The following PRKACA variants were observed in gnomAD, a reference collection of about 807,000 sequenced individuals.
The protein encoded by PRKACA is protein kinase cAMP-activated catalytic subunit alpha.
In PRKACA, 9 loss-of-function variants were observed where a neutral mutation model predicts 45.8. That is an observed-to-expected ratio of 0.20 (90% CI 0.12 to 0.34). The LOEUF (loss-of-function observed/expected upper bound fraction) is 0.34. Among genes scored for constraint, PRKACA ranks in the 10% least tolerant of loss-of-function variants. PRKACA has a pLI of 1.00. For missense variants in PRKACA, 238 were observed against 458.6 expected (o/e 0.52, Z 4.39); for synonymous variants, 160 against 178.6 (o/e 0.90, Z 0.83).
chr19:14,107,866 G>A, intron 1 of PRKACA: 1 of 992,234 alleles, frequency 1.0e-6, no homozygotes, highest in Non-Finnish European at 1.2e-6. Flanking sequence ...TGTCACCTTG[G>A]CCCCCAGCTG....
At chr19:14,112,426 G>A (rs1186119538) in intron 1 of PRKACA, 1 of 150,874 alleles carries the variant, frequency 6.6e-6, no homozygotes, top group Non-Finnish European at 1.5e-5. Context: ...GCCACAGCTG[G>A]AAGGTGGTCT....
rs138152470 is a variant in PRKACA at position 14,104,513 on chromosome 19, G to A, written c.238-1599C>T. 7.3e-3 allele frequency among the ~76,000 whole-genome samples: 1,096 copies of A among 151,160 alleles called. 17 individuals are homozygous for A. The highest frequency in any genetic ancestry group is 0.026 in the African/African-American group (1,055 of 41,220). On this transcript the variant is annotated intron_variant, in intron 3 of 9. Transcript: ENST00000308677. ...AGATGGAGACCATCCTGGCTAACACGGTGAAACCCCATCTCTACTAAAAAT... is the reference window on the plus strand; with the variant it reads ...AGATGGAGACCATCCTGGCTAACACAGTGAAACCCCATCTCTACTAAAAAT...
chr19:14,110,616 A>C (rs1026854180), intron 1 of PRKACA, among the ~76,000 whole-genome samples: 1 of 152,082 alleles, frequency 6.6e-6, no homozygotes, highest in Non-Finnish European at 1.5e-5. Flanking sequence ...CAAATATAGG[A>C]GATACACTGA....
chr19:14,109,981 TATATATATATATATATATACAC>T (rs1456916956), intron 1 of PRKACA, among the ~76,000 whole-genome samples: 29 of 82,780 alleles, frequency 3.5e-4, no homozygotes, highest in African/African-American at 1.7e-3. Context: ...TATATATATA[TATATATATATATATATATACAC>T]ACACACACAC....
rs200700358 is a variant in PRKACA at position 14,106,907 on chromosome 19, G to C, written c.109-19C>G. 6.2e-7 allele frequency: 1 copy of C among 1,613,878 alleles called. No individual in the cohort carries two copies. Among genetic ancestry groups the C allele is most frequent in the South Asian group, 1.1e-5 (1 of 91,070 alleles). On this transcript the variant is annotated intron_variant, in intron 2 of 9. Coordinates refer to ENST00000308677, the MANE Select transcript of PRKACA (RefSeq NM_002730.4). Reference sequence around the variant, plus strand: ...CTGTGTTCTGTGGGCAGAGGGGTCGGTAGGCTCAGGGCACGCCCTCCCCGC... The same window carrying C: ...CTGTGTTCTGTGGGCAGAGGGGTCGCTAGGCTCAGGGCACGCCCTCCCCGC...
chr19:14,108,575 T>G (rs1352093227), intron 1 of PRKACA, among the ~76,000 whole-genome samples: 2 of 149,912 alleles, frequency 1.3e-5, no homozygotes, highest in African/African-American at 4.9e-5. Flanking sequence ...GCCCAGAGAA[T>G]TTTTTGTATT....
chr19:14,117,335 T>C (rs1967129724), intron 1 of PRKACA, among the ~76,000 whole-genome samples, 167 bp downstream of exon 1: 2 of 145,412 alleles, frequency 1.4e-5, no homozygotes, highest in African/African-American at 2.6e-5. Context: ...CTACAGGGGG[T>C]ACTCTGCGGG....
At chr19:14,100,790 C>G (rs1395815442) in intron 5 of PRKACA, 36 bp downstream of exon 5, 1 of 1,605,246 alleles carries the variant, frequency 6.2e-7, no homozygotes, top group Admixed American at 1.7e-5. Context: ...TGTGGACACC[C>G]TGACAGCCTG....
intron 1 of PRKACA, among the ~76,000 whole-genome samples, chr19:14,114,803 T>A (rs1224690904): frequency 6.6e-6 from 1 of 151,494 alleles, no homozygotes; most frequent in African/African-American, 2.4e-5. Flanking sequence ...ACTCCAGGGT[T>A]CATTCTGGAT....
At chr19:14,106,113 G>A (rs1977596157) in intron 3 of PRKACA, among the ~76,000 whole-genome samples, 2 of 152,092 alleles carry the variant, frequency 1.3e-5, no homozygotes, top group African/African-American at 4.8e-5. Context: ...TGCTTTGGGA[G>A]GCTGAAGTAG....
chr19:14,105,789 G>A (rs1977585430), intron 3 of PRKACA, among the ~76,000 whole-genome samples: 1 of 152,170 alleles, frequency 6.6e-6, no homozygotes, highest in African/African-American at 2.4e-5. Context: ...AATTGCTTCT[G>A]TGGCTCAGGT....
At chr19:14,108,323 G>T in intron 1 of PRKACA, 1 of 182,300 alleles carries the variant, frequency 5.5e-6, no homozygotes, top group Non-Finnish European at 1.0e-5. Context: ...TCTTGACAAA[G>T]GGAGTTGAAC....
At chr19:14,095,400 A>C (rs1162441280) in intron 8 of PRKACA, among the ~76,000 whole-genome samples, 2 of 150,864 alleles carry the variant, frequency 1.3e-5, no homozygotes, top group East Asian at 3.9e-4. Context: ...TAAACTCCTG[A>C]CCTCGTGATC....
chr19:14,098,587 C>G (rs561866510), intron 5 of PRKACA: 1 of 151,830 alleles, frequency 6.6e-6, no homozygotes, highest in African/African-American at 2.4e-5. Flanking sequence ...CCTTTGCCTC[C>G]TGGAAACAAG....
chr19:14,094,500 A>G (rs1370542120), intron 8 of PRKACA, among the ~76,000 whole-genome samples: 9 of 152,180 alleles, frequency 5.9e-5, no homozygotes, highest in Admixed American at 5.9e-4. Context: ...AAGAATCTGC[A>G]TTTCTAACAA....
Position 14,099,362 on chromosome 19 carries a change from A to T in PRKACA, c.419+1464T>A, listed in dbSNP as rs562640041. Among the ~76,000 whole-genome samples, 446 of 150,902 alleles carry T rather than the reference A, an allele frequency of 3.0e-3. 1 individual carries two copies. Among genetic ancestry groups the T allele is most frequent in the African/African-American group, 8.1e-3 (335 of 41,122 alleles). On this transcript the variant is annotated intron_variant, in intron 5 of 9. Coordinates refer to ENST00000308677, the MANE Select transcript of PRKACA (RefSeq NM_002730.4). ...AATAAGACAAATTTATAAGTTAAAA[A>T]TTTTTTTTTTCTTTCAGCAGGGTCT...
At chr19:14,111,969 G>A (rs1054207530) in intron 1 of PRKACA, among the ~76,000 whole-genome samples, 6 of 152,162 alleles carry the variant, frequency 3.9e-5, no homozygotes, top group East Asian at 1.9e-4. Context: ...GCACCTCCCC[G>A]ACTCGCTGAG....
intron 1 of PRKACA, among the ~76,000 whole-genome samples, chr19:14,116,567 T>C (rs975385313): frequency 1.3e-5 from 2 of 152,050 alleles, no homozygotes; most frequent in Non-Finnish European, 2.9e-5. Flanking sequence ...ACTGGGTGAA[T>C]GACGGAGCCT....
intron 1 of PRKACA, among the ~76,000 whole-genome samples, chr19:14,116,789 C>A (rs8100819): frequency 0.1 from 15,381 of 152,006 alleles, 979 homozygotes; most frequent in Admixed American, 0.17. Flanking sequence ...CAGCCAGGGA[C>A]AGACGCTTGC....
Sources: allele counts gnomAD v4.1 joint callset (sites outside exome capture counted in the v4.1 genomes callset), GRCh38; gene constraint gnomAD v4.1.1; transcripts MANE v1.5; gene names NCBI Gene and HGNC (gene_info 2026-07-23, HGNC 2026-07-21).